RAB2B: variants seen among roughly 807,000 people sequenced by gnomAD.
RAB2B encodes ras-related protein Rab-2B.
In RAB2B, 20 loss-of-function variants were observed where a neutral mutation model predicts 29.8. That is an observed-to-expected ratio of 0.67 (90% CI 0.47 to 0.97). The LOEUF (loss-of-function observed/expected upper bound fraction) is 0.97. Ranked by LOEUF, RAB2B falls within the 50% of genes least tolerant of loss-of-function variation. RAB2B has a pLI of 0.00. For missense variants in RAB2B, 218 were observed against 272.0 expected, an observed-to-expected ratio of 0.80 and a Z score of 1.40; for synonymous variants, 93 against 91.7, an observed-to-expected ratio of 1.01 and a Z score of -0.08.
In RAB2B at chr14:21,470,993, CAA is replaced by C. The variant is rs869211285; in HGVS notation, c.187-2243_187-2242del. On this transcript the variant is annotated intron_variant, in intron 3 of 7. Transcript: ENST00000397762. ...TGAAACCCCATCTCTGCTAAAAATA[CAA>C]AAAAAAAAAAAAAAAAAAAAAAAAA... 9.4e-3 allele frequency among the ~76,000 whole-genome samples: 928 copies of C among 98,468 alleles called. 1 individual carries two copies. The highest frequency in any genetic ancestry group is 0.022 in the African/African-American group (518 of 23,136). The allele number at this position is 98,468 out of a possible 152,430, so 64.6% of individuals were successfully genotyped here. A position where few individuals can be genotyped will look rare whatever the true frequency, so the allele number is the denominator to read the frequency against.
At chr14:21,464,864 G>A (rs1053475222) in intron 5 of RAB2B, among the ~76,000 whole-genome samples, 9 of 152,044 alleles carry the variant, frequency 5.9e-5, no homozygotes, top group Admixed American at 3.9e-4. Flanking sequence ...TCAGCAGAGC[G>A]TGGTGACACA....
intron 3 of RAB2B, among the ~76,000 whole-genome samples, chr14:21,472,487 G>C (rs1035639931): frequency 3.3e-5 from 5 of 152,092 alleles, no homozygotes; most frequent in Non-Finnish European, 7.3e-5. Context: ...GCTGACAACG[G>C]AGAAATGACC....
intron 2 of RAB2B, among the ~76,000 whole-genome samples, 170 bp from the exon 3 acceptor site, chr14:21,475,104 G>T (rs1890915214): frequency 6.6e-6 from 1 of 152,062 alleles, no homozygotes; most frequent in Non-Finnish European, 1.5e-5. Context: ...GTTTCTTAAG[G>T]TTCTTCATTT....
In RAB2B at chr14:21,471,021, A is replaced by T. The variant is rs1447741560; in HGVS notation, c.187-2269T>A. On this transcript the variant is annotated intron_variant, in intron 3 of 7. Coordinates refer to ENST00000397762, the MANE Select transcript of RAB2B (RefSeq NM_032846.4). ...AAAAAAAAAAAAAAAAAAAAAAAAAAAAATAGGTGGGCGTGGTGGCGCACG... is the reference window on the plus strand; with the variant it reads ...AAAAAAAAAAAAAAAAAAAAAAAAATAAATAGGTGGGCGTGGTGGCGCACG... Among the ~76,000 whole-genome samples, 35 of 66,736 alleles carry T rather than the reference A, an allele frequency of 5.2e-4. 2 individuals carry two copies. Among genetic ancestry groups the T allele is most frequent in the Middle Eastern group, 9.1e-3 (1 of 110 alleles). The allele number at this position is 66,736 out of a possible 152,430, so 43.8% of individuals were successfully genotyped here.
chr14:21,476,766 A>AC, intron 1 of RAB2B, 61 bp downstream of exon 1: 26 of 855,538 alleles, frequency 3.0e-5, no homozygotes, highest in Middle Eastern at 2.8e-4. Flanking sequence ...CGCCCCCGCC[A>AC]CCCAATTTGG....
At chr14:21,462,557 C>T (rs1890584743) in intron 6 of RAB2B, 139 bp from the exon 7 acceptor site, 5 of 770,236 alleles carry the variant, frequency 6.5e-6, no homozygotes, top group East Asian at 6.6e-5. Context: ...CATAGAAGGT[C>T]GGTTGGGTGC....
intron 6 of RAB2B, among the ~76,000 whole-genome samples, chr14:21,463,186 A>G (rs1377662903): frequency 6.6e-6 from 1 of 152,146 alleles, no homozygotes; most frequent in Non-Finnish European, 1.5e-5. Flanking sequence ...GGTAAAAGAA[A>G]ATGGGACAAT....
At position 21,476,927 on chromosome 14, in the gene RAB2B, C is replaced by T. The variant is rs375297688; in HGVS notation, c.-55G>A. ...CCCGACTTCTATAGCCACTTACCTC[C>T]GACCTCTCTAGCCACTCAATCTACC... On this transcript the variant is annotated 5_prime_UTR_variant, in exon 1 of 8. Coordinates refer to ENST00000397762, the MANE Select transcript of RAB2B (RefSeq NM_032846.4). 1.2e-5 allele frequency: 19 copies of T among 1,580,154 alleles called. No homozygotes were observed. In the African/African-American group the frequency reaches 2.0e-4, roughly 17 times the overall value.
chr14:21,466,058 C>T (rs1040346503), intron 5 of RAB2B, among the ~76,000 whole-genome samples: 3 of 152,204 alleles, frequency 2.0e-5, no homozygotes, highest in African/African-American at 7.2e-5. Context: ...CAATTTGATA[C>T]AAATAATTTT....
rs1319047963 is a variant in RAB2B, at chr14:21,468,438, A to T, written c.281T>A (p.Phe94Tyr). ...CTCTAACCATGAGGTCAGGTGGTTG[A>T]AGGTTTCACGCCTACAGCAGAAAAA... is the stretch of plus-strand genomic sequence containing the variant. ...LVYDITRRETFNHLTSWLEDA... is the reference protein window; with the variant it reads ...LVYDITRRETYNHLTSWLEDA... The change falls in exon 5 of 8, where the codon TTC (phenylalanine) becomes TAC (tyrosine). Residue 94 changes from phenylalanine to tyrosine, a missense_variant. Phe to Tyr is a conservative substitution (Grantham distance 22, BLOSUM62 3). Coordinates refer to ENST00000397762, the MANE Select transcript of RAB2B (RefSeq NM_032846.4). The T allele has an allele frequency of 6.2e-7, 1 of 1,613,876 alleles. No individual in the cohort carries two copies. The highest frequency in any genetic ancestry group is 1.3e-5 in the African/African-American group (1 of 74,878).
intron 1 of RAB2B, 42 bp downstream of exon 1, chr14:21,476,785 A>G: frequency 1.3e-6 from 2 of 1,594,108 alleles, no homozygotes; most frequent in Non-Finnish European, 1.7e-6. Flanking sequence ...GGGAGCTTCG[A>G]ATGCCCGCCC....
chr14:21,475,007 T>C, intron 2 of RAB2B, 73 bp from the exon 3 acceptor site: 1 of 1,184,694 alleles, frequency 8.4e-7, no homozygotes, highest in Admixed American at 1.7e-5. Context: ...GGTTCCTGCC[T>C]TTCCTCAATG....
chr14:21,465,538 A>G (rs1594409465), intron 5 of RAB2B, among the ~76,000 whole-genome samples: 1 of 152,272 alleles, frequency 6.6e-6, no homozygotes, highest in Non-Finnish European at 1.5e-5. Flanking sequence ...AGACCAAGCT[A>G]CCATTCTTTC....
chr14:21,468,497 G>T, intron 4 of RAB2B, 48 bp from the exon 5 acceptor site: 1 of 1,549,944 alleles, frequency 6.5e-7, no homozygotes, highest in Non-Finnish European at 8.9e-7. Context: ...ATTTCAAAAG[G>T]CCAAAACAAC....
chr14:21,463,514 T>C, intron 6 of RAB2B, 142 bp downstream of exon 6: 1 of 625,994 alleles, frequency 1.6e-6, no homozygotes, highest in East Asian at 2.8e-5. Flanking sequence ...CCCAAAACGC[T>C]AGGATTACAG....
chr14:21,463,723 G>T lies in RAB2B; in HGVS notation c.407C>A (p.Ala136Asp), dbSNP rs757716327. Residue 136 changes from alanine (A) to aspartate (D), a missense_variant, in exon 6 of 8, where the codon GCC (alanine) becomes GAC (aspartate). Ala to Asp is a moderately radical substitution (Grantham distance 126). Coordinates refer to ENST00000397762, the MANE Select transcript of RAB2B (RefSeq NM_032846.4). ...TATAAGTCCATGCTCCCTAGCAAAG[G>T]CCTCTCCTTCTTCTCTCTTCACATC... ...RRDVKREEGE[A>D]FAREHGLIFM... 1.7e-5 allele frequency: 28 copies of T among 1,613,778 alleles called. No individual in the cohort carries two copies. Among genetic ancestry groups the T allele is most frequent in the Non-Finnish European group, 1.6e-5 (19 of 1,179,876 alleles).
chr14:21,466,311 CCCGT>C (rs976219108), intron 5 of RAB2B, among the ~76,000 whole-genome samples: 2 of 152,062 alleles, frequency 1.3e-5, no homozygotes, highest in African/African-American at 2.4e-5. Flanking sequence ...ATGGAGAAAC[CCCGT>C]CTATACTAAA....
At position 21,476,913 on chromosome 14, in the gene RAB2B, T is replaced by A; in HGVS notation, c.-41A>T. 1 of 1,608,612 alleles carries A rather than the reference T, an allele frequency of 6.2e-7. No homozygotes were observed. Among genetic ancestry groups the A allele is most frequent in the Non-Finnish European group, 8.5e-7 (1 of 1,176,580 alleles). ...GGGTTCCGGGTCCGCCCGACTTCTA[T>A]AGCCACTTACCTCCGACCTCTCTAG... On this transcript the variant is annotated 5_prime_UTR_variant, in exon 1 of 8. Transcript: ENST00000397762.
chr14:21,463,283 G>T (rs1208396144), intron 6 of RAB2B, among the ~76,000 whole-genome samples: 3 of 132,926 alleles, frequency 2.3e-5, no homozygotes, highest in African/African-American at 8.7e-5. Flanking sequence ...GTTTTGCTCT[G>T]TTGCCTAGGC....
Sources: allele counts gnomAD v4.1 joint callset (sites outside exome capture counted in the v4.1 genomes callset), GRCh38; gene constraint gnomAD v4.1.1; transcripts MANE v1.5; gene names NCBI Gene and HGNC (gene_info 2026-07-23, HGNC 2026-07-21).